STAB2: variants seen among roughly 807,000 people sequenced by gnomAD.
The protein encoded by STAB2 is stabilin 2, also known as stabilin-2.
A neutral mutation model predicts 338.1 loss-of-function variants in STAB2; 288 were observed. The observed-to-expected ratio is 0.85, with a 90% confidence interval of 0.77 to 0.94. The LOEUF is 0.94. Ranked by LOEUF, STAB2 falls within the 40% of genes least tolerant of loss-of-function variation. The pLI is 0.00. For synonymous variants in STAB2, 1,202 were observed against 1,193.3 expected (o/e 1.01, Z -0.15); for missense variants, 3,141 against 3,210.1 (o/e 0.98, Z 0.52).
At position 103,660,492 on chromosome 12, in the gene STAB2, T is replaced by C. The variant is rs368024484; in HGVS notation, c.1788+108T>C. On this transcript the variant is annotated intron_variant, in intron 16 of 68. Transcript: ENST00000388887. ...AGAAAATGTCCTTTATCTGTAGCTC[T>C]GAATAAACCCTCAGCCATGAACAAT... 5.0e-6 allele frequency: 7 copies of C among 1,394,876 alleles called. No individual in the cohort carries two copies. In the Admixed American group the frequency reaches 1.2e-4, roughly 23 times the overall value. 86.4% of individuals were successfully genotyped at this position (1,394,876 alleles called of 1,614,324 possible).
chr12:103,745,248 G>A lies in STAB2; in HGVS notation c.6107G>A (p.Trp2036Ter). The A allele has an allele frequency of 1.2e-6, 2 of 1,613,906 alleles. No homozygotes were observed. The highest frequency in any genetic ancestry group is 1.7e-6 in the Non-Finnish European group (2 of 1,179,958). Residue 2036 changes from tryptophan (W) to a stop codon, truncating the protein, a stop_gained, in exon 57 of 69, where the codon TGG becomes TAG. Transcript: ENST00000388887. LOFTEE classifies it high-confidence loss of function. ...GGGCAGTGCCTCTGTGAAACGGGGT[G>A]GACAGGCCCCTCGTGTGACACTCAG... ...GSGQCLCETGWTGPSCDTQAV... is the reference protein window; with the variant it reads ...GSGQCLCETG
chr12:103,724,817 T>C (rs17034422), intron 44 of STAB2, among the ~76,000 whole-genome samples, 158 bp from the exon 45 acceptor site: 5,182 of 152,230 alleles, frequency 0.034, 127 homozygotes, highest in African/African-American at 0.062. Flanking sequence ...GCATAGGGAA[T>C]TGGAAGGCAA....
intron 68 of STAB2, 91 bp from the exon 69 acceptor site, chr12:103,766,195 A>C (rs748326523): frequency 6.6e-7 from 1 of 1,506,570 alleles, no homozygotes; most frequent in Non-Finnish European, 9.2e-7. Context: ...GCTCAGGGAG[A>C]GTCATGCCTC....
At chr12:103,721,843 A>T (rs1318123407) in intron 44 of STAB2, among the ~76,000 whole-genome samples, 9 of 152,186 alleles carry the variant, frequency 5.9e-5, no homozygotes, top group Admixed American at 2.0e-4. Context: ...TGTATTTTGG[A>T]GATAACCAAT....
At chr12:103,642,357 G>A (rs1046498804) in intron 9 of STAB2, among the ~76,000 whole-genome samples, 27 of 152,184 alleles carry the variant, frequency 1.8e-4, no homozygotes, top group Admixed American at 5.9e-4. Context: ...ACGGCTGAGT[G>A]GGCCTATTGT....
intron 3 of STAB2, among the ~76,000 whole-genome samples, chr12:103,619,353 T>C (rs890878342): frequency 1.3e-5 from 2 of 152,130 alleles, no homozygotes; most frequent in African/African-American, 4.8e-5. Flanking sequence ...CCAGGTCAAC[T>C]CAGCACTCAA....
chr12:103,712,179 G>A (rs1443310604), intron 40 of STAB2, among the ~76,000 whole-genome samples, 188 bp from the exon 41 acceptor site: 1 of 152,174 alleles, frequency 6.6e-6, no homozygotes, highest in Non-Finnish European at 1.5e-5. Flanking sequence ...CCTGATAAAT[G>A]AGTACAGTTT....
intron 37 of STAB2, among the ~76,000 whole-genome samples, chr12:103,706,298 G>A (rs1001745637): frequency 2.0e-5 from 3 of 152,140 alleles, no homozygotes; most frequent in African/African-American, 7.2e-5. Context: ...TAAAGGCAAG[G>A]CAAACCCAAG....
chr12:103,640,641 A>G (rs1322027730), intron 9 of STAB2, among the ~76,000 whole-genome samples: 2 of 152,202 alleles, frequency 1.3e-5, no homozygotes. Flanking sequence ...GAGGTGCAAA[A>G]CAAGACTAGG....
chr12:103,742,939 C>T (rs780607309), intron 56 of STAB2, among the ~76,000 whole-genome samples: 20 of 152,118 alleles, frequency 1.3e-4, no homozygotes, highest in African/African-American at 4.8e-4. Flanking sequence ...GAGATAGGTA[C>T]TGTTATTATC....
In STAB2 at chr12:103,596,198, T is replaced by C. The variant is rs192287292; in HGVS notation, c.331+1688T>C. ...TGGTCATGATCATGTCTAGTTCTCATAGACATTTTGATACAATAGAAAGAA... is the reference window on the plus strand; with the variant it reads ...TGGTCATGATCATGTCTAGTTCTCACAGACATTTTGATACAATAGAAAGAA... On this transcript the variant is annotated intron_variant, in intron 3 of 68. Transcript: ENST00000388887. Among the ~76,000 whole-genome samples, 63 of 152,344 alleles carry C rather than the reference T, an allele frequency of 4.1e-4. No individual in the cohort carries two copies. In the Middle Eastern group the frequency reaches 0.01, roughly 25 times the overall value.
intron 19 of STAB2, among the ~76,000 whole-genome samples, chr12:103,666,638 A>T (rs1356071963): frequency 6.6e-6 from 1 of 152,248 alleles, no homozygotes; most frequent in Admixed American, 6.5e-5. Flanking sequence ...GAAGCACAAT[A>T]TCTAAATCAA....
At chr12:103,725,300 T>A (rs1314114378) in intron 45 of STAB2, among the ~76,000 whole-genome samples, 1 of 152,180 alleles carries the variant, frequency 6.6e-6, no homozygotes, top group Non-Finnish European at 1.5e-5. Flanking sequence ...ATGTAGGGAT[T>A]AAGGTGGACC....
chr12:103,598,292 A>G (rs1956906362), intron 3 of STAB2, among the ~76,000 whole-genome samples: 1 of 152,224 alleles, frequency 6.6e-6, no homozygotes, highest in Non-Finnish European at 1.5e-5. Flanking sequence ...ATAAAGTTAC[A>G]GAGAAGTCCC....
intron 6 of STAB2, among the ~76,000 whole-genome samples, chr12:103,632,684 C>G (rs1019320822): frequency 6.6e-6 from 1 of 152,096 alleles, no homozygotes; most frequent in Non-Finnish European, 1.5e-5. Flanking sequence ...CCTGAACAGA[C>G]CCTGCAGCAG....
intron 49 of STAB2, 106 bp downstream of exon 49, chr12:103,730,362 A>G: frequency 7.8e-7 from 1 of 1,281,960 alleles, no homozygotes; most frequent in Non-Finnish European, 1.1e-6. Flanking sequence ...TTTCTGCTTC[A>G]ATCTCAAGCT....
chr12:103,660,189 G>C (rs1217945677), intron 15 of STAB2, 142 bp from the exon 16 acceptor site: 5 of 826,098 alleles, frequency 6.1e-6, no homozygotes, highest in Non-Finnish European at 1.0e-5. Flanking sequence ...CTATTTGGAG[G>C]TGGGGTTTCT....
At chr12:103,590,421 G>A (rs1361944444) in intron 1 of STAB2, among the ~76,000 whole-genome samples, 5 of 152,082 alleles carry the variant, frequency 3.3e-5, no homozygotes, top group Admixed American at 1.3e-4. Flanking sequence ...TATCCTCCAC[G>A]GCACTGGCAC....
intron 20 of STAB2, chr12:103,668,977 C>T (rs868341932): frequency 4.9e-6 from 2 of 406,210 alleles, no homozygotes; most frequent in Non-Finnish European, 4.4e-6. Context: ...CATGGCCCAC[C>T]CTCTGCCTGT....
Sources: allele counts gnomAD v4.1 joint callset (sites outside exome capture counted in the v4.1 genomes callset), GRCh38; gene constraint gnomAD v4.1.1; transcripts MANE v1.5; gene names NCBI Gene and HGNC (gene_info 2026-07-23, HGNC 2026-07-21).